Variants in SH2D4B observed in about 807,000 individuals in gnomAD.
SH2D4B encodes SH2 domain-containing protein 4B.
SH2D4B carries 45 observed loss-of-function variants against 61.5 expected under a neutral mutation model. The observed-to-expected ratio is 0.73, with a 90% CI of 0.58 to 0.94. The LOEUF (loss-of-function observed/expected upper bound fraction) is 0.94. SH2D4B is among the 40% of genes least tolerant of loss of function. The pLI is 0.00. For missense variants in SH2D4B, 572 were observed against 574.2 expected (o/e 1.00, Z 0.04); for synonymous variants, 224 against 220.4 (o/e 1.02, Z -0.14).
At chr10:80,613,274 A>G (rs1020806797) in intron 6 of SH2D4B, among the ~76,000 whole-genome samples, 1 of 152,260 alleles carries the variant, frequency 6.6e-6, no homozygotes, top group African/African-American at 2.4e-5. Context: ...ATATCAAACT[A>G]CTTGTGAGAA....
At chr10:80,545,508 C>T (rs180955077) in intron 1 of SH2D4B, among the ~76,000 whole-genome samples, 93 of 151,976 alleles carry the variant, frequency 6.1e-4, no homozygotes, top group African/African-American at 2.2e-3. Flanking sequence ...TCTTCTTCTT[C>T]CTCTCCTCCT....
chr10:80,541,749 C>T (rs1238132957), intron 1 of SH2D4B, among the ~76,000 whole-genome samples: 3 of 152,148 alleles, frequency 2.0e-5, no homozygotes, highest in South Asian at 2.1e-4. Context: ...GGTGAGGGTG[C>T]GAGTAAACAC....
In SH2D4B at chr10:80,554,210, G is replaced by A. The variant is rs1242354322; in HGVS notation, c.184+15695G>A. ...AGAACACATCGCTGTTGGGGCAGCCGCTTCCTCGCAGGATTCTCTGAGAGG... is the reference window on the plus strand; with the variant it reads ...AGAACACATCGCTGTTGGGGCAGCCACTTCCTCGCAGGATTCTCTGAGAGG... On this transcript the variant is annotated intron_variant, in intron 1 of 7. Coordinates refer to ENST00000646907, the MANE Select transcript of SH2D4B (RefSeq NM_001388272.1). 2.6e-5 allele frequency among the ~76,000 whole-genome samples: 4 copies of A among 152,196 alleles called. No homozygotes were observed. The East Asian group carries it at 5.8e-4, about 22-fold the overall frequency.
At chr10:80,596,784 GT>G (rs1216538968) in intron 4 of SH2D4B, among the ~76,000 whole-genome samples, 1 of 152,154 alleles carries the variant, frequency 6.6e-6, no homozygotes, top group Non-Finnish European at 1.5e-5. Context: ...TTCAGTGCTG[GT>G]GCGTAGCTCA....
intron 4 of SH2D4B, among the ~76,000 whole-genome samples, chr10:80,591,070 T>G (rs771338606): frequency 6.6e-6 from 1 of 151,664 alleles, no homozygotes; most frequent in East Asian, 2.0e-4. Context: ...CAGATATCAT[T>G]CCTTCCTTCC....
intron 3 of SH2D4B, among the ~76,000 whole-genome samples, chr10:80,586,681 A>C (rs1564775671): frequency 6.6e-6 from 1 of 152,218 alleles, no homozygotes; most frequent in Non-Finnish European, 1.5e-5. Context: ...GGGCCAGATA[A>C]GAGAATAAAA....
intron 1 of SH2D4B, among the ~76,000 whole-genome samples, chr10:80,561,031 T>C (rs1589335419): frequency 6.6e-6 from 1 of 152,196 alleles, no homozygotes; most frequent in South Asian, 2.1e-4. Context: ...ATGGGAAGTA[T>C]GCATGAAGCA....
chr10:80,579,417 G>A (rs1374997903), intron 3 of SH2D4B, among the ~76,000 whole-genome samples: 2 of 152,172 alleles, frequency 1.3e-5, no homozygotes, highest in Non-Finnish European at 2.9e-5. Flanking sequence ...AGGAGATCCT[G>A]AGGCCAGATA....
intron 1 of SH2D4B, among the ~76,000 whole-genome samples, chr10:80,555,210 A>G (rs1841815529): frequency 1.3e-5 from 2 of 152,138 alleles, no homozygotes. Context: ...CCTACAATAT[A>G]GCTGGGTGGC....
chr10:80,621,275 C>T (rs12414465), intron 6 of SH2D4B, among the ~76,000 whole-genome samples: 22,075 of 152,216 alleles, frequency 0.15, 1,887 homozygotes, highest in Admixed American at 0.23. Context: ...AAGGCAGCCC[C>T]GCCGGACAGG....
intron 5 of SH2D4B, among the ~76,000 whole-genome samples, chr10:80,604,383 C>A (rs1327403866): frequency 1.3e-5 from 2 of 152,172 alleles, no homozygotes; most frequent in African/African-American, 2.4e-5. Context: ...TTGCAGGGAA[C>A]CTCTCTTCTT....
At chr10:80,619,427 G>A (rs1374218991) in intron 6 of SH2D4B, among the ~76,000 whole-genome samples, 1 of 152,236 alleles carries the variant, frequency 6.6e-6, no homozygotes, top group Non-Finnish European at 1.5e-5. Context: ...GCTATGGTCA[G>A]TATGGCAGCC....
intron 7 of SH2D4B, among the ~76,000 whole-genome samples, chr10:80,634,782 C>G (rs1306838977): frequency 6.6e-6 from 1 of 152,170 alleles, no homozygotes; most frequent in African/African-American, 2.4e-5. Context: ...AGTGCTCCCT[C>G]CTGTTAACAC....
intron 1 of SH2D4B, among the ~76,000 whole-genome samples, chr10:80,546,267 C>T (rs565265955): frequency 1.3e-5 from 2 of 152,036 alleles, no homozygotes; most frequent in South Asian, 4.2e-4. Context: ...AGACTGCTCT[C>T]GAACTTCTGG....
chr10:80,612,152 G>A (rs1842608509), intron 6 of SH2D4B, among the ~76,000 whole-genome samples: 1 of 138,664 alleles, frequency 7.2e-6, no homozygotes, highest in South Asian at 2.3e-4. Flanking sequence ...AAAGTAAAAA[G>A]TTAGCAGCCC....
intron 6 of SH2D4B, among the ~76,000 whole-genome samples, chr10:80,613,299 A>G (rs552323192): frequency 1.3e-5 from 2 of 152,376 alleles, no homozygotes; most frequent in East Asian, 3.9e-4. Flanking sequence ...TAGTACATAT[A>G]ACCTTGGCTT....
chr10:80,609,450 C>T lies in SH2D4B; in HGVS notation c.887C>T (p.Pro296Leu). The T allele has an allele frequency of 2.5e-6, 4 of 1,614,110 alleles. No individual in the cohort carries two copies. The highest frequency in any genetic ancestry group is 1.1e-5 in the South Asian group (1 of 91,076). Reference protein sequence around the residue: ...VSRTWERPLRPVSRDVIVRWF... With the variant: ...VSRTWERPLRLVSRDVIVRWF... Reference sequence around the variant, plus strand: ...AGGACCTGGGAGCGCCCGCTGCGCCCAGTCTCCAGAGATGTCATCGTCCGC... The same window carrying T: ...AGGACCTGGGAGCGCCCGCTGCGCCTAGTCTCCAGAGATGTCATCGTCCGC... Residue 296 changes from proline (P) to leucine (L), a missense_variant, in exon 6 of 8, where the codon CCA (proline) becomes CTA (leucine). Transcript: ENST00000646907.
intron 7 of SH2D4B, among the ~76,000 whole-genome samples, chr10:80,642,192 A>G (rs1840320185): frequency 1.3e-5 from 2 of 152,200 alleles, no homozygotes. Flanking sequence ...CCTGGGCTCA[A>G]GTGATCCTCC....
At chr10:80,640,133 T>C (rs937383270) in intron 7 of SH2D4B, among the ~76,000 whole-genome samples, 1 of 152,332 alleles carries the variant, frequency 6.6e-6, no homozygotes, top group East Asian at 1.9e-4. Context: ...TCTTCTGGCT[T>C]ATAGAGTTTC....
Sources: gnomAD v4.1 joint callset for allele counts (sites outside exome capture counted in the v4.1 genomes callset) on GRCh38, gnomAD v4.1.1 for gene constraint, MANE v1.5 for transcripts, NCBI Gene and HGNC (gene_info 2026-07-23, HGNC 2026-07-21) for gene names.